CLSTN2: variants seen among roughly 807,000 people sequenced by gnomAD.
CLSTN2 encodes calsyntenin-2.
In CLSTN2, 48 loss-of-function variants were observed where a neutral mutation model predicts 101.2. The ratio of observed to expected loss-of-function variants is 0.47; its 90% CI spans 0.38 to 0.60. The LOEUF (loss-of-function observed/expected upper bound fraction) is 0.60, where lower values mean the gene tolerates loss of function less well. Among genes scored for constraint, CLSTN2 ranks in the 20% least tolerant of loss-of-function variants. The pLI, the probability that CLSTN2 is intolerant of heterozygous loss-of-function variation, is 0.00. For synonymous variants in CLSTN2, 481 were observed against 463.6 expected, an observed-to-expected ratio of 1.04 and a Z score of -0.48; for missense variants, 1,160 against 1,238.2, an observed-to-expected ratio of 0.94 and a Z score of 0.95.
At chr3:140,315,042 C>T (rs2087215418) in intron 2 of CLSTN2, among the ~76,000 whole-genome samples, 1 of 152,154 alleles carries the variant, frequency 6.6e-6, no homozygotes, top group African/African-American at 2.4e-5. Flanking sequence ...CCAGCCTATG[C>T]CAAGGCAGTT....
chr3:140,171,885 TTATATAA>T (rs2010242609), intron 1 of CLSTN2, among the ~76,000 whole-genome samples: 1 of 123,202 alleles, frequency 8.1e-6, no homozygotes, highest in East Asian at 2.1e-4. Flanking sequence ...AATATATATA[TTATATAA>T]TATATATTAT....
At chr3:140,130,653 T>A (rs1443463265) in intron 1 of CLSTN2, among the ~76,000 whole-genome samples, 1 of 152,102 alleles carries the variant, frequency 6.6e-6, no homozygotes, top group Non-Finnish European at 1.5e-5. Flanking sequence ...TGTGCAGCAT[T>A]GAGATGAGTA....
intron 1 of CLSTN2, among the ~76,000 whole-genome samples, chr3:140,099,027 G>A (rs1209528209): frequency 3.3e-5 from 5 of 152,302 alleles, no homozygotes; most frequent in East Asian, 1.9e-4. Context: ...GGTGATGTGC[G>A]TGCCAGATGC....
intron 1 of CLSTN2, among the ~76,000 whole-genome samples, chr3:140,158,207 G>A (rs2009987527): frequency 6.6e-6 from 1 of 152,146 alleles, no homozygotes; most frequent in Admixed American, 6.6e-5. Context: ...CCTAGCCAGA[G>A]CAATCAGGCA....
At chr3:140,081,449 G>T (rs1327476049) in intron 1 of CLSTN2, among the ~76,000 whole-genome samples, 1 of 152,204 alleles carries the variant, frequency 6.6e-6, no homozygotes, top group Non-Finnish European at 1.5e-5. Context: ...ACCTGCCAGT[G>T]CTTTCCCCAT....
At chr3:140,029,071 G>A (rs1469182962) in intron 1 of CLSTN2, among the ~76,000 whole-genome samples, 1 of 152,208 alleles carries the variant, frequency 6.6e-6, no homozygotes, top group African/African-American at 2.4e-5. Context: ...GTCATTGCAC[G>A]ATGAGTTTGG....
chr3:140,127,015 T>A (rs541725878), intron 1 of CLSTN2, among the ~76,000 whole-genome samples: 8 of 122,090 alleles, frequency 6.6e-5, no homozygotes, highest in Admixed American at 2.4e-4. Flanking sequence ...TGTGTCATTA[T>A]ATGTGTCATA....
chr3:140,540,443 T>C (rs898922416), intron 9 of CLSTN2, among the ~76,000 whole-genome samples: 1 of 152,232 alleles, frequency 6.6e-6, no homozygotes, highest in Non-Finnish European at 1.5e-5. Context: ...AGGGGTCTAT[T>C]ACACACTTCA....
At chr3:140,092,670 C>CCT (rs1246731560) in intron 1 of CLSTN2, among the ~76,000 whole-genome samples, 7 of 152,172 alleles carry the variant, frequency 4.6e-5, no homozygotes, top group African/African-American at 1.7e-4. Flanking sequence ...AGTCAGAAGA[C>CCT]CTCTGTCTGA....
intron 2 of CLSTN2, among the ~76,000 whole-genome samples, chr3:140,286,958 G>A (rs952355865): frequency 2.0e-5 from 3 of 152,172 alleles, no homozygotes; most frequent in African/African-American, 7.2e-5. Flanking sequence ...GAGGAATCAG[G>A]CTGGTCAGGA....
At chr3:140,415,514 A>G (rs1245024419) in intron 4 of CLSTN2, among the ~76,000 whole-genome samples, 1 of 147,290 alleles carries the variant, frequency 6.8e-6, no homozygotes, top group Non-Finnish European at 1.5e-5. Context: ...AAAAAAACAA[A>G]CTGATTTTAA....
At chr3:140,168,872 A>G (rs1302807316) in intron 1 of CLSTN2, among the ~76,000 whole-genome samples, 1 of 152,112 alleles carries the variant, frequency 6.6e-6, no homozygotes, top group Non-Finnish European at 1.5e-5. Context: ...TTATATTAAT[A>G]CCACACTATC....
intron 8 of CLSTN2, among the ~76,000 whole-genome samples, chr3:140,514,283 C>T (rs1026425496): frequency 6.1e-4 from 93 of 152,158 alleles, no homozygotes; most frequent in African/African-American, 2.2e-3. Context: ...TTTTATCCCT[C>T]ACACCCCAAA....
At chr3:140,531,779 C>T (rs923664778) in intron 8 of CLSTN2, among the ~76,000 whole-genome samples, 2 of 152,162 alleles carry the variant, frequency 1.3e-5, no homozygotes, top group East Asian at 3.8e-4. Flanking sequence ...TTCTAGCCCC[C>T]CTGCATCTCC....
chr3:140,263,196 T>C (rs1353971371), intron 2 of CLSTN2, among the ~76,000 whole-genome samples: 1 of 152,080 alleles, frequency 6.6e-6, no homozygotes, highest in African/African-American at 2.4e-5. Flanking sequence ...TATATGATGG[T>C]CAAGTACTGA....
chr3:140,159,081 A>G (rs182889413), intron 1 of CLSTN2, among the ~76,000 whole-genome samples: 1 of 152,336 alleles, frequency 6.6e-6, no homozygotes, highest in East Asian at 1.9e-4. Context: ...AAAATCCTAG[A>G]AGAAAACCTA....
At chr3:139,956,402 C>A (rs1935400737) in intron 1 of CLSTN2, among the ~76,000 whole-genome samples, 1 of 152,188 alleles carries the variant, frequency 6.6e-6, no homozygotes, top group Non-Finnish European at 1.5e-5. Flanking sequence ...AGGCCACCAT[C>A]CCTCTCAGTG....
At chr3:140,015,041 A>G (rs1448178692) in intron 1 of CLSTN2, among the ~76,000 whole-genome samples, 2 of 152,162 alleles carry the variant, frequency 1.3e-5, no homozygotes, top group African/African-American at 4.8e-5. Flanking sequence ...AACACAGCAG[A>G]CAGCGTGAGC....
At chr3:140,218,811 G>T (rs901311383) in intron 2 of CLSTN2, among the ~76,000 whole-genome samples, 7 of 152,118 alleles carry the variant, frequency 4.6e-5, no homozygotes, top group African/African-American at 7.2e-5. Context: ...ACTTGGATTT[G>T]TTTCTAATAA....
Sources: allele counts gnomAD v4.1 joint callset (sites outside exome capture counted in the v4.1 genomes callset), GRCh38; gene constraint gnomAD v4.1.1; transcripts MANE v1.5; gene names NCBI Gene and HGNC (gene_info 2026-07-23, HGNC 2026-07-21).